The following DHX15 variants were observed in gnomAD, a reference collection of about 807,000 sequenced individuals.
DHX15 encodes the protein DEAH-box helicase 15.
DHX15 carries 11 observed loss-of-function variants against 94.4 expected under a neutral mutation model. That is an observed-to-expected ratio of 0.12 (90% CI 0.07 to 0.19). The LOEUF is 0.19. Ranked by LOEUF, DHX15 falls within the 10% of genes least tolerant of loss-of-function variation. DHX15 has a pLI of 1.00. For synonymous variants in DHX15, 338 were observed against 329.9 expected, an observed-to-expected ratio of 1.02 and a Z score of -0.27; for missense variants, 304 against 988.5, an observed-to-expected ratio of 0.31 and a Z score of 9.29.
chr4:24,545,848 A>G (rs1160347194), intron 6 of DHX15, among the ~76,000 whole-genome samples: 1 of 152,220 alleles, frequency 6.6e-6, no homozygotes, highest in East Asian at 1.9e-4. Flanking sequence ...GCAACACTGC[A>G]GTAAGCGTTC....
At chr4:24,583,018 C>T (rs1476321336) in intron 1 of DHX15, among the ~76,000 whole-genome samples, 1 of 152,270 alleles carries the variant, frequency 6.6e-6, no homozygotes, top group African/African-American at 2.4e-5. Context: ...CCTATCCTGG[C>T]TTATACTCTA....
intron 8 of DHX15, 115 bp downstream of exon 8, chr4:24,541,758 T>TA: frequency 1.8e-6 from 2 of 1,109,032 alleles, no homozygotes; most frequent in Non-Finnish European, 2.5e-6. Flanking sequence ...CTGGAAAAGC[T>TA]AAGGAGCTTT....
chr4:24,547,909 A>G lies in DHX15; in HGVS notation c.1248+946T>C, dbSNP rs71618538. 2.9e-3 allele frequency among the ~76,000 whole-genome samples: 242 copies of G among 83,316 alleles called. 6 individuals are homozygous for G. The highest frequency in any genetic ancestry group is 5.4e-3 in the African/African-American group (113 of 20,858). The allele number at this position is 83,316 out of a possible 152,430, so 54.7% of individuals were successfully genotyped here. On this transcript the variant is annotated intron_variant, in intron 6 of 13. Transcript: ENST00000336812. The stretch of plus-strand genomic sequence containing the variant: ...TCTCTCTATGTATGTATGTGTATAT[A>G]TATATATATATATATATATATATAT...
intron 3 of DHX15, among the ~76,000 whole-genome samples, chr4:24,567,732 C>T (rs1722025843): frequency 1.3e-5 from 2 of 152,168 alleles, no homozygotes; most frequent in Admixed American, 1.3e-4. Context: ...ATATATTGTT[C>T]CCTGACTGGT....
intron 2 of DHX15, among the ~76,000 whole-genome samples, chr4:24,572,411 T>C (rs576217135): frequency 9.9e-5 from 15 of 152,232 alleles, no homozygotes; most frequent in Admixed American, 7.9e-4. Context: ...GCTGGGATTA[T>C]AGGCGTGAGC....
Position 24,584,353 on chromosome 4 carries a change from G to A in DHX15, c.41C>T (p.Pro14Leu). Residue 14 changes from proline (P) to leucine (L), a missense_variant, in exon 1 of 14, where the codon CCC becomes CTC. This residue lies in a region of DHX15 where 143 missense variants were observed against 200.5 expected (regional missense o/e 0.71). Transcript: ENST00000336812. The stretch of plus-strand genomic sequence containing the variant: ...GGTCCCCGCACGCTTCTTGCCAGAG[G>A]GGTAATCCTCCCCTAGGTCCAACCG... ...RHRLDLGEDY[P>L]SGKKRAGTDG... The A allele has an allele frequency of 6.2e-7, 1 of 1,613,176 alleles. No homozygotes were observed.
intron 5 of DHX15, among the ~76,000 whole-genome samples, chr4:24,552,173 G>C (rs1218846140): frequency 6.6e-6 from 1 of 152,164 alleles, no homozygotes; most frequent in East Asian, 1.9e-4. Flanking sequence ...GAAACAGGTA[G>C]TGGAGGAAAA....
intron 2 of DHX15, among the ~76,000 whole-genome samples, chr4:24,571,824 T>C (rs1393045318): frequency 6.6e-6 from 1 of 152,214 alleles, no homozygotes; most frequent in Non-Finnish European, 1.5e-5. Context: ...GGGTAACTTG[T>C]CACTAACAAA....
At chr4:24,572,807 T>G (rs1030295549) in intron 2 of DHX15, among the ~76,000 whole-genome samples, 10 of 152,198 alleles carry the variant, frequency 6.6e-5, no homozygotes, top group Admixed American at 1.3e-4. Flanking sequence ...GGAGAACCAG[T>G]CAGTTAATGC....
intron 6 of DHX15, among the ~76,000 whole-genome samples, chr4:24,543,871 CT>C: frequency 6.6e-6 from 1 of 152,156 alleles, no homozygotes; most frequent in South Asian, 2.1e-4. Context: ...TTGAAGATGT[CT>C]GTATATGCAA....
chr4:24,536,734 A>C (rs1182287671), intron 11 of DHX15, among the ~76,000 whole-genome samples: 1 of 152,214 alleles, frequency 6.6e-6, no homozygotes, highest in Non-Finnish European at 1.5e-5. Flanking sequence ...CTATTCTTAA[A>C]AATGTAAAAT....
At position 24,549,684 on chromosome 4, in the gene DHX15, C is replaced by A. The variant is rs577293794; in HGVS notation, c.1081-662G>T. On this transcript the variant is annotated intron_variant, in intron 5 of 13. Transcript: ENST00000336812. ...CGAACCTAAACTGTATAGCCTATTG[C>A]TCCCTAGGCTACAAACCTGAGGAGC... 3.7e-4 allele frequency among the ~76,000 whole-genome samples: 57 copies of A among 152,288 alleles called. 2 individuals carry two copies. The South Asian group carries it at 0.011, about 30-fold the overall frequency.
chr4:24,546,192 A>G (rs1721421019), intron 6 of DHX15, among the ~76,000 whole-genome samples: 2 of 152,220 alleles, frequency 1.3e-5, no homozygotes, highest in Middle Eastern at 3.2e-3. Context: ...GCTTATAAAC[A>G]TCCCAGCAGC....
intron 9 of DHX15, among the ~76,000 whole-genome samples, chr4:24,540,584 TCA>T (rs1298473975): frequency 1.3e-5 from 2 of 151,922 alleles, no homozygotes; most frequent in African/African-American, 4.8e-5. Context: ...TTAGGAATTC[TCA>T]CATTTTCATG....
chr4:24,535,489 G>A (rs1040398699), intron 11 of DHX15, among the ~76,000 whole-genome samples: 3 of 152,112 alleles, frequency 2.0e-5, no homozygotes, highest in African/African-American at 7.2e-5. Flanking sequence ...TTTAACGCTA[G>A]GTAATACCAG....
At chr4:24,546,614 CCTTT>C (rs1721429651) in intron 6 of DHX15, among the ~76,000 whole-genome samples, 1 of 152,124 alleles carries the variant, frequency 6.6e-6, no homozygotes, top group Non-Finnish European at 1.5e-5. Flanking sequence ...GCATTCTCAA[CCTTT>C]CTTGATTGCT....
At chr4:24,548,327 T>C (rs972326161) in intron 6 of DHX15, among the ~76,000 whole-genome samples, 5 of 151,950 alleles carry the variant, frequency 3.3e-5, no homozygotes, top group Non-Finnish European at 7.4e-5. Context: ...GTATTTTCAA[T>C]ACAGACAGGG....
At position 24,542,898 on chromosome 4, in the gene DHX15, T is replaced by G. The variant is rs1721345775; in HGVS notation, c.1335+42A>C. ...TTAAATGAATTGGTTGTAAGTACTG[T>G]TAAACCAACTCTAATTTATAAAGTA... is the stretch of plus-strand genomic sequence containing the variant. On this transcript the variant is annotated intron_variant, in intron 7 of 13. Transcript: ENST00000336812. 2.0e-6 allele frequency: 3 copies of G among 1,468,330 alleles called. No homozygotes were observed. In the Admixed American group the frequency reaches 5.1e-5, roughly 25 times the overall value. The allele number at this position is 1,468,330 out of a possible 1,614,324, so 91.0% of individuals were successfully genotyped here.
At chr4:24,547,659 G>A (rs1181413800) in intron 6 of DHX15, among the ~76,000 whole-genome samples, 1 of 151,752 alleles carries the variant, frequency 6.6e-6, no homozygotes, top group Admixed American at 6.6e-5. Flanking sequence ...TGAAAACTAG[G>A]CAGGCTGAGG....
Sources: gnomAD v4.1 joint callset for allele counts (sites outside exome capture counted in the v4.1 genomes callset) on GRCh38, gnomAD v4.1.1 for gene constraint, gnomAD v4.1.1 regional missense constraint, MANE v1.5 for transcripts, NCBI Gene and HGNC (gene_info 2026-07-23, HGNC 2026-07-21) for gene names.